The following MIB2 variants were observed in gnomAD, a reference collection of about 807,000 sequenced individuals.
MIB2 encodes E3 ubiquitin-protein ligase MIB2.
MIB2 carries 78 observed loss-of-function variants against 96.6 expected under a neutral mutation model. The observed-to-expected ratio is 0.81, with a 90% CI of 0.67 to 0.97. The LOEUF (loss-of-function observed/expected upper bound fraction) is 0.97, where lower values mean the gene tolerates loss of function less well. MIB2 is among the 50% of genes least tolerant of loss of function. MIB2 has a pLI of 0.00. For synonymous variants in MIB2, 820 were observed against 629.5 expected (o/e 1.30, Z -4.53); for missense variants, 1,543 against 1,424.0 (o/e 1.08, Z -1.35).
At position 1,625,540 on chromosome 1, in the gene MIB2, CCA is replaced by C. The variant is rs760547830; in HGVS notation, c.865-3_865-2del. 55 of 1,571,916 alleles carry C rather than the reference CCA, an allele frequency of 3.5e-5. No individual in the cohort carries two copies. Among genetic ancestry groups the C allele is most frequent in the Non-Finnish European group, 3.5e-5 (41 of 1,158,514 alleles). ...GACCCAGCCACAGCTCCATGACCCG[CCA>C]CAGTTTATCGGACAGACGGGCACCG... On this transcript the variant is annotated splice_polypyrimidine_tract_variant and splice_region_variant and intron_variant, in intron 7 of 19. Transcript: ENST00000355826. The surrounding 1 kb of genome is among the most constrained non-coding windows in gnomAD (Gnocchi z 5.0).
upstream of MIB2, chr1:1,615,332 C>T: frequency 7.2e-7 from 1 of 1,391,342 alleles, no homozygotes. Context: ...AGGACCGCCA[C>T]TGCGCAGGCG....
intron 2 of MIB2, among the ~76,000 whole-genome samples, chr1:1,622,703 T>C (rs1644367678): frequency 6.6e-6 from 1 of 152,140 alleles, no homozygotes; most frequent in South Asian, 2.1e-4. Context: ...TCTGCTCGAG[T>C]ATCCGGCCTC....
intron 19 of MIB2, among the ~76,000 whole-genome samples, chr1:1,630,030 A>G (rs1304415745): frequency 1.1e-4 from 1 of 8,854 alleles, no homozygotes; most frequent in Non-Finnish European, 2.2e-4. Context: ...CCGCCCCCCC[A>G]TCACACCCCG....
chr1:1,626,988 G>T lies in MIB2; in HGVS notation c.1229G>T (p.Arg410Leu). The T allele has an allele frequency of 1.2e-6, 2 of 1,611,162 alleles. No individual in the cohort carries two copies. Among genetic ancestry groups the T allele is most frequent in the Non-Finnish European group, 1.7e-6 (2 of 1,179,258 alleles). ...AACCTGGACGTGGCCGAGCGCGCCC[G>T]GGAGAACAAAAGTGCGGCACAGCTC... ...DANLDVAERA[R>L]ENKSSLSVAL... Residue 410 changes from arginine (R) to leucine (L), a missense_variant, in exon 10 of 20, where the codon CGG becomes CTG. Coordinates refer to ENST00000355826, the MANE Select transcript of MIB2 (RefSeq NM_001170687.4). This position sits in a 1 kb window ranked among gnomAD's most constrained non-coding sequence, Gnocchi z 5.3.
Position 1,625,867 on chromosome 1 carries a change from T to C in MIB2, c.972+214T>C, listed in dbSNP as rs968480413. The C allele has an allele frequency of 9.9e-5, 58 of 583,262 alleles. No homozygotes were observed. In the Admixed American group the frequency reaches 1.0e-3, roughly 10 times the overall value. 36.1% of individuals were successfully genotyped at this position (583,262 alleles called of 1,614,324 possible). ...AGGAACCCAGAGGAGGGTATGTCTC[T>C]GGGAGCTGGAATGGGCAGGTTAGGG... On this transcript the variant is annotated intron_variant, in intron 8 of 19. Coordinates refer to ENST00000355826, the MANE Select transcript of MIB2 (RefSeq NM_001170687.4). The surrounding 1 kb of genome is among the most constrained non-coding windows in gnomAD (Gnocchi z 5.0).
chr1:1,623,476 C>CGTGCAGGTGGGCATGCGGGT lies in MIB2; in HGVS notation c.26_45dup (p.Val16CysfsTer135), dbSNP rs1644445211. On this transcript the variant is annotated frameshift_variant, in exon 3 of 20. Coordinates refer to ENST00000355826, the MANE Select transcript of MIB2 (RefSeq NM_001170687.4). LOFTEE classifies it high-confidence loss of function. ...ACATGGACCCAGACCCCCAGGCGGG[C>CGTGCAGGTGGGCATGCGGGT]GTGCAGGTGGGCATGCGGGTGGTGC... The CGTGCAGGTGGGCATGCGGGT allele has an allele frequency of 6.3e-7, 1 of 1,589,850 alleles. No individual in the cohort carries two copies. The highest frequency in any genetic ancestry group is 8.5e-7 in the Non-Finnish European group (1 of 1,170,132).
intron 2 of MIB2, 66 bp downstream of exon 2, chr1:1,616,680 A>G (rs2100298362): frequency 7.7e-7 from 1 of 1,291,774 alleles, no homozygotes; most frequent in Non-Finnish European, 1.1e-6. Context: ...GGCTCCGTGG[A>G]AGCCACGTCA....
intron 5 of MIB2, 31 bp from the exon 6 acceptor site, chr1:1,624,960 C>G: frequency 6.2e-7 from 1 of 1,607,792 alleles, no homozygotes; most frequent in East Asian, 2.2e-5. Flanking sequence ...ATGGCTCAGC[C>G]TTAGCCTGCT....
At chr1:1,615,150 G>C, upstream of MIB2, 1 of 399,234 alleles carries the variant, frequency 2.5e-6, no homozygotes. Flanking sequence ...GGGAGGACGG[G>C]CCCGGACTGC....
Position 1,625,398 on chromosome 1 carries a change from C to T in MIB2, c.834C>T (p.Gly278=). The part of the protein sequence containing the change: ...DTDVLREMQE[G]HGGWNPRMAE... Reference sequence around the variant, plus strand: ...ATGTCCTGCGGGAGATGCAGGAAGGCCACGGCGGCTGGAACCCCAGGATGG... The same window carrying T: ...ATGTCCTGCGGGAGATGCAGGAAGGTCACGGCGGCTGGAACCCCAGGATGG... The change falls in exon 7 of 20, where the codon GGC becomes GGT. Residue 278 remains glycine, a synonymous_variant. Coordinates refer to ENST00000355826, the MANE Select transcript of MIB2 (RefSeq NM_001170687.4). The surrounding 1 kb of genome is among the most constrained non-coding windows in gnomAD (Gnocchi z 5.0). The T allele has an allele frequency of 1.3e-6, 2 of 1,577,742 alleles. No individual in the cohort carries two copies. Among genetic ancestry groups the T allele is most frequent in the Non-Finnish European group, 8.6e-7 (1 of 1,164,000 alleles).
At chr1:1,622,982 C>G (rs1256895050) in intron 2 of MIB2, 1 of 242,238 alleles carries the variant, frequency 4.1e-6, no homozygotes, top group African/African-American at 2.3e-5. Flanking sequence ...CACGAGTCCT[C>G]TGAGGGACGC....
chr1:1,625,694 G>T lies in MIB2; in HGVS notation c.972+41G>T, dbSNP rs1644693030. 1 of 1,506,062 alleles carries T rather than the reference G, an allele frequency of 6.6e-7. No homozygotes were observed. The highest frequency in any genetic ancestry group is 1.4e-5 in the African/African-American group (1 of 72,190). 93.3% of individuals were successfully genotyped at this position (1,506,062 alleles called of 1,614,324 possible). A position where few individuals can be genotyped will look rare whatever the true frequency, so the allele number is the denominator to read the frequency against. On this transcript the variant is annotated intron_variant, in intron 8 of 19. Coordinates refer to ENST00000355826, the MANE Select transcript of MIB2 (RefSeq NM_001170687.4). The surrounding 1 kb of genome is among the most constrained non-coding windows in gnomAD (Gnocchi z 5.0). ...GGCTGCGCCTCATCTGCTTGCTTCT[G>T]TAACCCCTTCCACGTACCCCCTTGG...
chr1:1,629,243 G>T lies in MIB2; in HGVS notation c.2313G>T (p.Arg771=). 6.5e-7 allele frequency: 1 copy of T among 1,545,900 alleles called. No individual in the cohort carries two copies. Among genetic ancestry groups the T allele is most frequent in the East Asian group, 2.6e-5 (1 of 39,018 alleles). ...TGAGCTACACCAACCACCGCGGTCG[G>T]AGCCCGCTGGACCTGGCCGCCGAGG... ...ADVSYTNHRG[R]SPLDLAAEGR... is the part of the protein sequence containing the mutation. Residue 771 remains arginine, a synonymous_variant, in exon 17 of 20, where the codon CGG becomes CGT. Coordinates refer to ENST00000355826, the MANE Select transcript of MIB2 (RefSeq NM_001170687.4).
At chr1:1,613,924 A>T (rs2100249096), upstream of MIB2, 1 of 152,252 alleles carries the variant, frequency 6.6e-6, no homozygotes, top group East Asian at 1.9e-4. Context: ...TCAGTTAGAC[A>T]CAACGGATGT....
upstream of MIB2, chr1:1,615,110 C>T (rs1042084429): frequency 1.7e-5 from 5 of 297,540 alleles, no homozygotes; most frequent in African/African-American, 4.4e-5. Context: ...GAGAAGCAAG[C>T]GTCCAACTCT....
chr1:1,625,585 C>T lies in MIB2; in HGVS notation c.904C>T (p.Arg302Cys), dbSNP rs778713419. 1.1e-5 allele frequency: 17 copies of T among 1,584,652 alleles called. No homozygotes were observed. Among genetic ancestry groups the T allele is most frequent in the Admixed American group, 3.6e-5 (2 of 56,056 alleles). The part of the protein sequence containing the change: ...QTGTVHRITD[R>C]GDVRVQFNHE... Reference sequence around the variant, plus strand: ...GGGCACCGTGCATCGTATCACGGACCGCGGGGACGTGCGCGTGCAGTTCAA... The same window carrying T: ...GGGCACCGTGCATCGTATCACGGACTGCGGGGACGTGCGCGTGCAGTTCAA... Residue 302 changes from arginine to cysteine, a missense_variant, in exon 8 of 20, where the codon CGC becomes TGC. Arg to Cys is a radical substitution (Grantham distance 180). Coordinates refer to ENST00000355826, the MANE Select transcript of MIB2 (RefSeq NM_001170687.4). The surrounding 1 kb of genome is among the most constrained non-coding windows in gnomAD (Gnocchi z 5.0).
At position 1,615,511 on chromosome 1, in the gene MIB2, C is replaced by G. The variant is rs1026858734; in HGVS notation, c.-252C>G. ...GGCCCTGGGCTCCCGCCCTTCGGGTCCCACAGTTTCCAGCCGCCGCTCTCC... is the reference window on the plus strand; with the variant it reads ...GGCCCTGGGCTCCCGCCCTTCGGGTGCCACAGTTTCCAGCCGCCGCTCTCC... On this transcript the variant is annotated 5_prime_UTR_variant, in exon 1 of 20. Coordinates refer to ENST00000355826, the MANE Select transcript of MIB2 (RefSeq NM_001170687.4). The G allele has an allele frequency of 6.5e-6, 10 of 1,529,630 alleles. No individual in the cohort carries two copies. Among genetic ancestry groups the G allele is most frequent in the Non-Finnish European group, 8.7e-6 (10 of 1,144,816 alleles). 94.8% of individuals were successfully genotyped at this position (1,529,630 alleles called of 1,614,324 possible). A position where few individuals can be genotyped will look rare whatever the true frequency, so the allele number is the denominator to read the frequency against.
chr1:1,615,361 C>T (rs910567179), upstream of MIB2: 18 of 1,409,544 alleles, frequency 1.3e-5, no homozygotes, highest in Non-Finnish European at 1.6e-5. Flanking sequence ...CTAAGCCGCT[C>T]GGAACCTAGC....
intron 1 of MIB2, 142 bp downstream of exon 1, chr1:1,615,775 C>T: frequency 1.4e-6 from 2 of 1,398,626 alleles, no homozygotes; most frequent in East Asian, 3.0e-5. Context: ...AGGGTCCGCA[C>T]GGGATGGGCT....
Sources: allele counts gnomAD v4.1 joint callset (sites outside exome capture counted in the v4.1 genomes callset), GRCh38; gene constraint gnomAD v4.1.1; non-coding constraint Gnocchi (gnomAD v3.1); transcripts MANE v1.5; gene names NCBI Gene and HGNC (gene_info 2026-07-23, HGNC 2026-07-21).